ASIC2: variants seen among roughly 807,000 people sequenced by gnomAD.
The protein encoded by ASIC2 is acid sensing ion channel subunit 2.
Under a neutral mutation model 57.3 loss-of-function variants are expected in ASIC2, and 25 were observed. That is an observed-to-expected ratio of 0.44 (90% CI 0.32 to 0.61). ASIC2 has a LOEUF of 0.61. Ranked by LOEUF, ASIC2 falls within the 20% of genes least tolerant of loss-of-function variation. ASIC2 has a pLI of 0.06. For missense variants in ASIC2, 641 were observed against 738.1 expected (o/e 0.87, Z 1.52); for synonymous variants, 319 against 307.5 (o/e 1.04, Z -0.39).
intron 1 of ASIC2, among the ~76,000 whole-genome samples, chr17:33,333,814 T>C (rs1597687314): frequency 2.0e-5 from 3 of 152,330 alleles, no homozygotes; most frequent in East Asian, 1.9e-4. Flanking sequence ...ATTATGGGTA[T>C]AAAGGCTCCT....
chr17:33,284,408 T>G (rs183809830), intron 1 of ASIC2, among the ~76,000 whole-genome samples: 149 of 152,268 alleles, frequency 9.8e-4, no homozygotes, highest in African/African-American at 3.2e-3. Context: ...CAGATTCTCC[T>G]CCATAGATCT....
At chr17:33,948,173 A>G (rs1037884115) in intron 1 of ASIC2, among the ~76,000 whole-genome samples, 1 of 152,194 alleles carries the variant, frequency 6.6e-6, no homozygotes, top group African/African-American at 2.4e-5. Flanking sequence ...CGTGGGAGGA[A>G]GAACAGAGGT....
intron 1 of ASIC2, among the ~76,000 whole-genome samples, chr17:33,960,853 CT>C (rs1303244793): frequency 4.6e-5 from 7 of 152,298 alleles, no homozygotes; most frequent in South Asian, 2.1e-4. Flanking sequence ...ATGCCTGCCC[CT>C]ATCCCAGAAT....
intron 2 of ASIC2, among the ~76,000 whole-genome samples, chr17:33,101,494 C>T (rs974000001): frequency 6.6e-6 from 1 of 152,130 alleles, no homozygotes; most frequent in East Asian, 1.9e-4. Context: ...GCTGTTTCTT[C>T]TGGTATTTAC....
At chr17:33,354,072 A>G (rs1908286255) in intron 1 of ASIC2, among the ~76,000 whole-genome samples, 1 of 152,152 alleles carries the variant, frequency 6.6e-6, no homozygotes, top group Non-Finnish European at 1.5e-5. Context: ...AGGGGAACTC[A>G]TCTTTATAAA....
intron 6 of ASIC2, among the ~76,000 whole-genome samples, chr17:33,021,793 C>G (rs1430360742): frequency 6.6e-6 from 1 of 152,210 alleles, no homozygotes; most frequent in East Asian, 1.9e-4. Flanking sequence ...CTGGCATTAT[C>G]AAGTCAATTG....
chr17:34,052,743 A>G (rs1896106241), intron 1 of ASIC2, among the ~76,000 whole-genome samples: 1 of 151,926 alleles, frequency 6.6e-6, no homozygotes. Flanking sequence ...TAGTCTCCCA[A>G]GTAGCTGGGA....
intron 1 of ASIC2, among the ~76,000 whole-genome samples, chr17:34,125,804 C>T (rs1236538569): frequency 2.0e-5 from 3 of 152,176 alleles, no homozygotes. Flanking sequence ...GCCGCTAAGA[C>T]ATGGTTTGCG....
At chr17:34,099,680 G>A (rs61506026) in intron 1 of ASIC2, among the ~76,000 whole-genome samples, 1 of 139,736 alleles carries the variant, frequency 7.2e-6, no homozygotes, top group Non-Finnish European at 1.5e-5. Context: ...AAGAAAGAAA[G>A]AAAAGAAAGA....
chr17:34,087,514 T>C (rs1459368895), intron 1 of ASIC2, among the ~76,000 whole-genome samples: 7 of 152,178 alleles, frequency 4.6e-5, no homozygotes, highest in Non-Finnish European at 1.0e-4. Context: ...GACAATTATG[T>C]GTCTTGGAGT....
chr17:33,380,486 G>A (rs368093836), intron 1 of ASIC2, among the ~76,000 whole-genome samples: 46 of 152,254 alleles, frequency 3.0e-4, no homozygotes, highest in Middle Eastern at 3.4e-3. Context: ...CAAGGTCAGG[G>A]AGGTCAGGGA....
At chr17:34,016,456 G>T (rs1038980901) in intron 1 of ASIC2, among the ~76,000 whole-genome samples, 2 of 142,030 alleles carry the variant, frequency 1.4e-5, no homozygotes, top group African/African-American at 5.6e-5. Flanking sequence ...AAGAAACAAT[G>T]CAACTGCCCA....
intron 1 of ASIC2, among the ~76,000 whole-genome samples, chr17:33,987,484 G>A (rs760787476): frequency 1.3e-5 from 2 of 152,212 alleles, no homozygotes; most frequent in African/African-American, 2.4e-5. Context: ...GCACCAAGAA[G>A]GCACTTGGAG....
intron 1 of ASIC2, among the ~76,000 whole-genome samples, chr17:33,414,476 C>G (rs568313767): frequency 2.0e-4 from 30 of 152,128 alleles, no homozygotes; most frequent in Middle Eastern, 3.2e-3. Context: ...TATCTATTGG[C>G]TAGTTGGCTG....
chr17:33,291,467 C>G lies in ASIC2; in HGVS notation c.649G>C (p.Asp217His). The G allele has an allele frequency of 6.2e-7, 1 of 1,612,268 alleles. No homozygotes were observed. Among genetic ancestry groups the G allele is most frequent in the Admixed American group, 1.7e-5 (1 of 60,000 alleles). The change falls in exon 1 of 10, where the codon GAC becomes CAC. Residue 217 changes from aspartate to histidine, a missense_variant. Coordinates refer to ENST00000225823, the MANE Select transcript of ASIC2 (RefSeq NM_183377.2). ...CGGTACTTGCAGGAGAGCAGCATGT[C>G]CTCCAGCTGGTGGCCCAGGCGGTCC... is the stretch of plus-strand genomic sequence containing the variant. ...FMDRLGHQLE[D>H]MLLSCKYRGE...
intron 3 of ASIC2, among the ~76,000 whole-genome samples, chr17:33,082,697 TC>T (rs2092117678): frequency 8.5e-6 from 1 of 118,212 alleles, no homozygotes; most frequent in Non-Finnish European, 1.8e-5. Flanking sequence ...AGACTCTGTC[TC>T]CAAAAATAAA....
chr17:33,306,348 C>T (rs1185437366), intron 1 of ASIC2, among the ~76,000 whole-genome samples: 1 of 152,144 alleles, frequency 6.6e-6, no homozygotes, highest in African/African-American at 2.4e-5. Context: ...TTTTTTCCCC[C>T]TAGCCTGTTT....
In ASIC2 at chr17:33,862,089, A is replaced by T. The variant is rs529259180; in HGVS notation, c.555+293889T>A. 2.0e-5 allele frequency among the ~76,000 whole-genome samples: 3 copies of T among 152,304 alleles called. No homozygotes were observed. The East Asian group carries it at 5.8e-4, about 29-fold the overall frequency. ...TTACCAGTGTTCAAGGTTTTCCTTC[A>T]CCCAGTATACTGTTCCTGTATTCTC... On this transcript the variant is annotated intron_variant, in intron 1 of 9. Transcript: ENST00000359872.
rs141156096 is a variant in ASIC2 at position 33,723,155 on chromosome 17, C to T, written c.555+432823G>A. Among the ~76,000 whole-genome samples the T allele has an allele frequency of 1.1e-3, 161 of 152,148 alleles. 2 individuals carry two copies. The highest frequency in any genetic ancestry group is 3.8e-3 in the African/African-American group (156 of 41,522). On this transcript the variant is annotated intron_variant, in intron 1 of 9. Transcript: ENST00000359872. ...GCCATCAACAGAAAAATACATAAAT[C>T]GATTGTGGTCTAGTCATACAATAAA...
Sources: gnomAD v4.1 joint callset for allele counts (sites outside exome capture counted in the v4.1 genomes callset) on GRCh38, gnomAD v4.1.1 for gene constraint, MANE v1.5 for transcripts, NCBI Gene and HGNC (gene_info 2026-07-23, HGNC 2026-07-21) for gene names.